STYX: variants seen among roughly 807,000 people sequenced by gnomAD.
STYX encodes serine/threonine/tyrosine interacting protein, also known as serine/threonine/tyrosine-interacting protein.
STYX carries 20 observed loss-of-function variants against 42.7 expected under a neutral mutation model. That is an observed-to-expected ratio of 0.47 (90% CI 0.33 to 0.68). The LOEUF is 0.68. STYX is among the 30% of genes least tolerant of loss of function. The pLI is 0.02. For missense variants in STYX, 226 were observed against 268.5 expected, an observed-to-expected ratio of 0.84 and a Z score of 1.11; for synonymous variants, 78 against 81.9, an observed-to-expected ratio of 0.95 and a Z score of 0.26.
chr14:52,759,684 A>G lies in STYX; in HGVS notation c.434A>G (p.Asp145Gly), dbSNP rs1485177737. 6.2e-7 allele frequency: 1 copy of G among 1,600,170 alleles called. No homozygotes were observed. Among genetic ancestry groups the G allele is most frequent in the African/African-American group, 1.3e-5 (1 of 74,646 alleles). Reference protein sequence around the residue: ...IMETFGMKYRDAFAYVQERRF... With the variant: ...IMETFGMKYRGAFAYVQERRF... ...TAACACTCTTTTTCTGTTTTCAGAG[A>G]TGCTTTTGCTTATGTTCAAGAAAGA... Residue 145 changes from aspartate to glycine, a missense_variant and splice_region_variant, in exon 9 of 11, where the codon GAT becomes GGT. Coordinates refer to ENST00000354586, the MANE Select transcript of STYX (RefSeq NM_145251.4).
intron 4 of STYX, among the ~76,000 whole-genome samples, chr14:52,754,838 G>T (rs1881786746): frequency 6.6e-6 from 1 of 152,198 alleles, no homozygotes; most frequent in East Asian, 1.9e-4. Context: ...GTTTGTGCAG[G>T]TTCTTTATCC....
Position 52,771,099 on chromosome 14 carries a change from A to G in STYX, c.665A>G (p.Asn222Ser). ...ACCATGCAAGTGGCGACTGCACAGA[A>G]TGGCTGACTTGAAGAGCAACATCAT... ...FGTMQVATAQ[N>S]G Residue 222 changes from asparagine (N) to serine (S), a missense_variant, in exon 11 of 11, where the codon AAT becomes AGT. Transcript: ENST00000354586. The G allele has an allele frequency of 6.2e-7, 1 of 1,609,480 alleles. No homozygotes were observed. Among genetic ancestry groups the G allele is most frequent in the Non-Finnish European group, 8.5e-7 (1 of 1,176,956 alleles).
At chr14:52,763,512 A>G (rs140130415) in intron 9 of STYX, among the ~76,000 whole-genome samples, 29 of 152,302 alleles carry the variant, frequency 1.9e-4, no homozygotes, top group African/African-American at 7.0e-4. Flanking sequence ...TGTTAGTCGC[A>G]TGCTGCAGAT....
chr14:52,743,048 A>G (rs1412301792), intron 1 of STYX, among the ~76,000 whole-genome samples: 2 of 151,772 alleles, frequency 1.3e-5, no homozygotes, highest in African/African-American at 4.8e-5. Flanking sequence ...CACCCGCCTC[A>G]GCCTCCCAAA....
At chr14:52,748,260 T>C (rs1050185761) in intron 3 of STYX, among the ~76,000 whole-genome samples, 1 of 152,138 alleles carries the variant, frequency 6.6e-6, no homozygotes, top group Non-Finnish European at 1.5e-5. Context: ...GGGGTCTTGC[T>C]CTGTTACCCA....
At chr14:52,762,883 T>TG (rs1491391963) in intron 9 of STYX, among the ~76,000 whole-genome samples, 1 of 81,178 alleles carries the variant, frequency 1.2e-5, no homozygotes, top group Non-Finnish European at 2.5e-5. Flanking sequence ...TCTTTCTTTC[T>TG]TTTTTTTTTT....
chr14:52,756,916 A>G, intron 5 of STYX, among the ~76,000 whole-genome samples: 1 of 151,528 alleles, frequency 6.6e-6, no homozygotes, highest in East Asian at 1.9e-4. Context: ...CAAATTCTCG[A>G]CCTCAGGTGA....
At chr14:52,765,766 C>T (rs1324153734) in intron 9 of STYX, among the ~76,000 whole-genome samples, 1 of 152,032 alleles carries the variant, frequency 6.6e-6, no homozygotes, top group Non-Finnish European at 1.5e-5. Flanking sequence ...CCTCGCATAC[C>T]ATAGGGAGGG....
rs1379243412 is a variant in STYX, at chr14:52,730,540, C to T, written c.57+9C>T. The T allele has an allele frequency of 1.9e-6, 3 of 1,612,538 alleles. No homozygotes were observed. In the Admixed American group the frequency reaches 5.0e-5, roughly 27 times the overall value. The stretch of plus-strand genomic sequence containing the variant: ...GCAAGGAAGACGCCGAGGTGAGTCG[C>T]TCCCGTGGCTGCCACGCACAGGCCT... On this transcript the variant is annotated intron_variant, in intron 1 of 10. Transcript: ENST00000354586.
At chr14:52,764,894 C>T (rs1199731357) in intron 9 of STYX, among the ~76,000 whole-genome samples, 3 of 152,012 alleles carry the variant, frequency 2.0e-5, no homozygotes, top group Non-Finnish European at 4.4e-5. Flanking sequence ...GTCTCGAATT[C>T]CTGAGATCAT....
At chr14:52,741,295 A>G (rs966489074) in intron 1 of STYX, among the ~76,000 whole-genome samples, 1 of 150,390 alleles carries the variant, frequency 6.6e-6, no homozygotes, top group African/African-American at 2.4e-5. Context: ...GTGTATGTTT[A>G]CCATTTCATT....
Position 52,773,988 on chromosome 14 carries a change from A to G in STYX, c.*2882A>G, listed in dbSNP as rs1882621342. On this transcript the variant is annotated 3_prime_UTR_variant, in exon 11 of 11. Transcript: ENST00000354586. ...TATTACTGTCCATTTTGAAAATATG[A>G]AACTTGAGTATTGAAAATATTCAAA... 1 of 152,242 alleles carries G rather than the reference A, an allele frequency of 6.6e-6. No individual in the cohort carries two copies. The highest frequency in any genetic ancestry group is 2.4e-5 in the African/African-American group (1 of 41,468). 9.4% of individuals were successfully genotyped at this position (152,242 alleles called of 1,614,324 possible). A position where few individuals can be genotyped will look rare whatever the true frequency, so the allele number is the denominator to read the frequency against.
In STYX at chr14:52,772,009, C is replaced by T. The variant is rs1882529899; in HGVS notation, c.*903C>T. The T allele has an allele frequency of 1.3e-5, 2 of 152,280 alleles. 1 individual carries two copies. The highest frequency in any genetic ancestry group is 4.1e-4 in the South Asian group (2 of 4,826). 9.4% of individuals were successfully genotyped at this position (152,280 alleles called of 1,614,324 possible). ...AATAGAATCTAATAAACCAATGTAG[C>T]ATTATTTTTTTCTAAATGAAGCCCC... On this transcript the variant is annotated 3_prime_UTR_variant, in exon 11 of 11. Transcript: ENST00000354586.
intron 9 of STYX, among the ~76,000 whole-genome samples, chr14:52,761,906 G>T (rs887257280): frequency 6.6e-6 from 1 of 151,488 alleles, no homozygotes; most frequent in African/African-American, 2.4e-5. Context: ...TTAGCCAGGC[G>T]TGGTGGCAGG....
intron 1 of STYX, among the ~76,000 whole-genome samples, chr14:52,734,926 G>A (rs1022461970): frequency 1.3e-5 from 2 of 152,090 alleles, no homozygotes; most frequent in East Asian, 1.9e-4. Flanking sequence ...GTATGGTGGC[G>A]GGCGCCTGTA....
chr14:52,730,382 G>A lies in STYX; in HGVS notation c.-93G>A, dbSNP rs1039120725. 3.7e-6 allele frequency: 5 copies of A among 1,345,288 alleles called. No homozygotes were observed. The highest frequency in any genetic ancestry group is 1.4e-5 in the African/African-American group (1 of 69,340). The allele number at this position is 1,345,288 out of a possible 1,614,324, so 83.3% of individuals were successfully genotyped here. ...CCTCCTGTCAGCCCTCCGCTCCGCC[G>A]GCCCTCCTTCCTTCCGCCGCCGCAG... On this transcript the variant is annotated 5_prime_UTR_variant, in exon 1 of 11. Coordinates refer to ENST00000354586, the MANE Select transcript of STYX (RefSeq NM_145251.4).
At chr14:52,759,161 T>C (rs1252651971) in intron 8 of STYX, among the ~76,000 whole-genome samples, 1 of 152,180 alleles carries the variant, frequency 6.6e-6, no homozygotes, top group African/African-American at 2.4e-5. Context: ...CTTCCTTTGT[T>C]TCTCAGGCTG....
chr14:52,739,632 C>CTTTTTTTTTTTTTTTTTTT (rs58454717), intron 1 of STYX, among the ~76,000 whole-genome samples: 2 of 65,730 alleles, frequency 3.0e-5, no homozygotes, highest in Non-Finnish European at 5.4e-5. Flanking sequence ...TCCTTTCTTT[C>CTTTTTTTTTTTTTTTTTTT]TTTTTTTTTT....
intron 3 of STYX, among the ~76,000 whole-genome samples, chr14:52,748,901 C>A (rs1258230444): frequency 6.6e-6 from 1 of 152,244 alleles, no homozygotes; most frequent in Non-Finnish European, 1.5e-5. Flanking sequence ...ATGCTTATCT[C>A]ACTTTCCCTA....
Sources: allele counts gnomAD v4.1 joint callset (sites outside exome capture counted in the v4.1 genomes callset), GRCh38; gene constraint gnomAD v4.1.1; transcripts MANE v1.5; gene names NCBI Gene and HGNC (gene_info 2026-07-23, HGNC 2026-07-21).